Variants in TIAM2 observed in about 807,000 individuals in gnomAD.
The protein encoded by TIAM2 is rho guanine nucleotide exchange factor TIAM2.
TIAM2 carries 80 observed loss-of-function variants against 152.9 expected under a neutral mutation model. The ratio of observed to expected loss-of-function variants is 0.52; its 90% CI spans 0.44 to 0.63. The LOEUF is 0.63. Among genes scored for constraint, TIAM2 ranks in the 30% least tolerant of loss-of-function variants. The pLI is 0.00. For synonymous variants in TIAM2, 804 were observed against 838.0 expected, an observed-to-expected ratio of 0.96 and a Z score of 0.70; for missense variants, 1,965 against 2,120.1, an observed-to-expected ratio of 0.93 and a Z score of 1.44.
intron 1 of TIAM2, among the ~76,000 whole-genome samples, chr6:155,076,376 C>T (rs560558120): frequency 3.4e-4 from 51 of 152,116 alleles, no homozygotes; most frequent in African/African-American, 1.1e-3. Flanking sequence ...TTCATCCTTA[C>T]GAAATAATAG....
At chr6:155,182,640 C>T (rs568978157) in intron 13 of TIAM2, among the ~76,000 whole-genome samples, 65 of 151,808 alleles carry the variant, frequency 4.3e-4, no homozygotes, top group African/African-American at 1.2e-3. Context: ...ATGCATATGC[C>T]TATATATAGA....
At chr6:155,117,046 T>C (rs1779030633) in intron 2 of TIAM2, among the ~76,000 whole-genome samples, 1 of 146,198 alleles carries the variant, frequency 6.8e-6, no homozygotes, top group Non-Finnish European at 1.5e-5. Flanking sequence ...GAACATTTGA[T>C]ATATTTAAAA....
chr6:155,251,737 T>TAATA (rs1783667020), intron 22 of TIAM2, among the ~76,000 whole-genome samples: 1 of 152,242 alleles, frequency 6.6e-6, no homozygotes, highest in Admixed American at 6.5e-5. Flanking sequence ...GATCAACTTC[T>TAATA]AATAGTAGCT....
chr6:155,075,701 T>G (rs1228630731), intron 1 of TIAM2, among the ~76,000 whole-genome samples: 1 of 152,222 alleles, frequency 6.6e-6, no homozygotes, highest in African/African-American at 2.4e-5. Flanking sequence ...TTATGTTTCA[T>G]AGATACCTTA....
intron 15 of TIAM2, among the ~76,000 whole-genome samples, chr6:155,221,755 T>C (rs554123393): frequency 2.6e-5 from 4 of 152,230 alleles, no homozygotes; most frequent in East Asian, 3.9e-4. Flanking sequence ...CCATCTTCCC[T>C]CTCCATGCCC....
chr6:155,131,862 A>G (rs1465915375), intron 4 of TIAM2, among the ~76,000 whole-genome samples: 2 of 152,168 alleles, frequency 1.3e-5, no homozygotes, highest in South Asian at 4.1e-4. Context: ...TACAAGCGTG[A>G]GCCACCACAT....
chr6:155,091,870 A>G (rs1778312051), intron 2 of TIAM2, among the ~76,000 whole-genome samples: 2 of 152,074 alleles, frequency 1.3e-5, no homozygotes, highest in Admixed American at 6.6e-5. Context: ...TGTCTCTGAC[A>G]TTTTCTTGCT....
intron 7 of TIAM2, chr6:155,149,290 A>AG (rs924366437): frequency 1.1e-4 from 18 of 167,196 alleles, no homozygotes; most frequent in Non-Finnish European, 2.2e-4. Flanking sequence ...TCTGTCTTGA[A>AG]GGGGGAATCC....
intron 2 of TIAM2, among the ~76,000 whole-genome samples, chr6:155,122,358 G>A (rs112006781): frequency 8.1e-4 from 115 of 142,526 alleles, no homozygotes; most frequent in African/African-American, 2.8e-3. Context: ...AATGGAGAAT[G>A]GAAGGTAGGA....
chr6:155,198,998 A>T (rs1781417563), intron 14 of TIAM2, among the ~76,000 whole-genome samples: 1 of 152,060 alleles, frequency 6.6e-6, no homozygotes, highest in Non-Finnish European at 1.5e-5. Context: ...TTAATGGGCT[A>T]ATTGGTGCCC....
chr6:155,062,076 C>G (rs1777591737), intron 1 of TIAM2, among the ~76,000 whole-genome samples: 1 of 151,290 alleles, frequency 6.6e-6, no homozygotes, highest in South Asian at 2.1e-4. Context: ...GCCACCGCCC[C>G]TGCATCTCGC....
intron 1 of TIAM2, among the ~76,000 whole-genome samples, chr6:155,058,371 T>C (rs1169640628): frequency 6.6e-6 from 1 of 152,184 alleles, no homozygotes; most frequent in Non-Finnish European, 1.5e-5. Flanking sequence ...GATTTTAACA[T>C]GCATCCAGAG....
intron 9 of TIAM2, among the ~76,000 whole-genome samples, chr6:155,171,972 C>T (rs138675148): frequency 1.1e-4 from 16 of 152,230 alleles, no homozygotes; most frequent in East Asian, 3.9e-4. Context: ...TACTCACTTC[C>T]CTTCAGTGAT....
In TIAM2 at chr6:155,164,480, G is replaced by A. The variant is rs1780366523; in HGVS notation, c.2094G>A (p.Leu698=). The change falls in exon 8 of 27, where the codon CTG becomes CTA. Residue 698 remains leucine (L), a synonymous_variant. Coordinates refer to ENST00000682666, the MANE Select transcript of TIAM2 (RefSeq NM_012454.4). ...ATCTGTTCAGGATGCGCTGCTATCT[G>A]GCCAGCCTACAAGGTGGGGAGTTAC... ...HMDLFRMRCY[L]ASLQGGELPN... The A allele has an allele frequency of 6.2e-7, 1 of 1,614,062 alleles. No homozygotes were observed. Among genetic ancestry groups the A allele is most frequent in the Non-Finnish European group, 8.5e-7 (1 of 1,180,000 alleles).
At chr6:155,143,677 C>T (rs1779761394) in intron 5 of TIAM2, among the ~76,000 whole-genome samples, 2 of 152,114 alleles carry the variant, frequency 1.3e-5, no homozygotes, top group African/African-American at 4.8e-5. Flanking sequence ...TTTCTGTGGC[C>T]TCTTACATTG....
At chr6:155,113,754 A>G (rs916773552) in intron 2 of TIAM2, among the ~76,000 whole-genome samples, 4 of 151,820 alleles carry the variant, frequency 2.6e-5, no homozygotes, top group Non-Finnish European at 5.9e-5. Flanking sequence ...TTTATTGTTC[A>G]TCTCTCTCCA....
At chr6:155,025,394 C>A (rs549082424) in intron 1 of TIAM2, among the ~76,000 whole-genome samples, 1 of 151,934 alleles carries the variant, frequency 6.6e-6, no homozygotes, top group African/African-American at 2.4e-5. Flanking sequence ...GGGGTTTCAC[C>A]GTGGTCTCAA....
chr6:155,240,082 GTC>G (rs1458661025), intron 15 of TIAM2, among the ~76,000 whole-genome samples: 1 of 152,242 alleles, frequency 6.6e-6, no homozygotes, highest in Non-Finnish European at 1.5e-5. Context: ...CCTCTCTTGA[GTC>G]TCTCCGGGCT....
rs146939112 is a variant in TIAM2, at chr6:155,195,000, T to C, written c.3064+11500T>C. 8.8e-3 allele frequency among the ~76,000 whole-genome samples: 1,348 copies of C among 152,328 alleles called. 16 individuals are homozygous for C. Among genetic ancestry groups the C allele is most frequent in the South Asian group, 0.023 (110 of 4,826 alleles). ...GACATGTTTGCGTCCCCTTCCACCA[T>C]GATTGTAAGTTTCCTGAGGCCTCCG... On this transcript the variant is annotated intron_variant, in intron 14 of 26. Transcript: ENST00000682666.
Sources: gnomAD v4.1 joint callset for allele counts (sites outside exome capture counted in the v4.1 genomes callset) on GRCh38, gnomAD v4.1.1 for gene constraint, MANE v1.5 for transcripts, NCBI Gene and HGNC (gene_info 2026-07-23, HGNC 2026-07-21) for gene names.